Variants in HNRNPDL observed in about 807,000 individuals in gnomAD.
HNRNPDL encodes heterogeneous nuclear ribonucleoprotein D-like.
A neutral mutation model predicts 48.0 loss-of-function variants in HNRNPDL; 18 were observed. That is an observed-to-expected ratio of 0.38 (90% CI 0.26 to 0.56). The LOEUF is 0.56. HNRNPDL is among the 20% of genes least tolerant of loss of function. The pLI is 0.77. For synonymous variants in HNRNPDL, 306 were observed against 207.3 expected, an observed-to-expected ratio of 1.48 and a Z score of -4.09; for missense variants, 553 against 540.7, an observed-to-expected ratio of 1.02 and a Z score of -0.23.
chr4:82,429,110 C>T, intron 1 of HNRNPDL, 138 bp downstream of exon 1: 1 of 770,158 alleles, frequency 1.3e-6, no homozygotes, highest in South Asian at 1.6e-5. Context: ...TTTCCTCTTC[C>T]CTCCAATCTA....
In HNRNPDL at chr4:82,430,039, G is replaced by C. The variant is rs1386928530; in HGVS notation, c.-349C>G. The C allele has an allele frequency of 5.9e-6, 1 of 169,472 alleles. No homozygotes were observed. The highest frequency in any genetic ancestry group is 1.5e-4 in the East Asian group (1 of 6,606). 10.5% of individuals were successfully genotyped at this position (169,472 alleles called of 1,614,324 possible). ...ACTGAGGCGGCGAGCGCGCTCGCCC[G>C]CCGCGCGCACGCGTGTTTTGTCCTC... On this transcript the variant is annotated 5_prime_UTR_variant, in exon 1 of 8. Coordinates refer to ENST00000295470, the MANE Select transcript of HNRNPDL (RefSeq NM_031372.4).
At position 82,428,043 on chromosome 4, in the gene HNRNPDL, T is replaced by C; in HGVS notation, c.749A>G (p.Lys250Arg). The C allele has an allele frequency of 6.2e-7, 1 of 1,614,084 alleles. No individual in the cohort carries two copies. Among genetic ancestry groups the C allele is most frequent in the Non-Finnish European group, 8.5e-7 (1 of 1,179,990 alleles). ...CTCTCCAAAGGCTCCAAAATATTCT[T>C]TAATTTGTTCTTCAGAAGTATCCGG... is the stretch of plus-strand genomic sequence containing the variant. Reference protein sequence around the residue: ...LSPDTSEEQIKEYFGAFGEIE... With the variant: ...LSPDTSEEQIREYFGAFGEIE... Residue 250 changes from lysine (K) to arginine (R), a missense_variant, in exon 3 of 8, where the codon AAA (lysine) becomes AGA (arginine). This residue lies in a region of HNRNPDL where 174 missense variants were observed against 204.6 expected (regional missense o/e 0.85). Transcript: ENST00000295470.
chr4:82,427,667 T>C, intron 3 of HNRNPDL, 103 bp from the exon 4 acceptor site: 2 of 1,056,222 alleles, frequency 1.9e-6, no homozygotes, highest in Non-Finnish European at 2.9e-6. Flanking sequence ...ATGTTATTCT[T>C]ATCGGGTGAC....
chr4:82,429,594 G>A lies in HNRNPDL; in HGVS notation c.97C>T (p.Arg33Trp), dbSNP rs111993939. The A allele has an allele frequency of 1.4e-5, 19 of 1,376,748 alleles. No homozygotes were observed. The highest frequency in any genetic ancestry group is 6.8e-5 in the South Asian group (4 of 58,520). 85.3% of individuals were successfully genotyped at this position (1,376,748 alleles called of 1,614,324 possible). A position where few individuals can be genotyped will look rare whatever the true frequency, so the allele number is the denominator to read the frequency against. Residue 33 changes from arginine to tryptophan, a missense_variant, in exon 1 of 8, where the codon CGG becomes TGG. Arg to Trp is a moderately radical substitution (Grantham distance 101). Coordinates refer to ENST00000295470, the MANE Select transcript of HNRNPDL (RefSeq NM_031372.4). ...ASRSLSHWRP[R>W]PPRQLAPLLP... Reference sequence around the variant, plus strand: ...AGCGGGGCTAGCTGCCGCGGCGGCCGCGGCCGCCAATGGGAGAGGCTGCGG... The same window carrying A: ...AGCGGGGCTAGCTGCCGCGGCGGCCACGGCCGCCAATGGGAGAGGCTGCGG...
chr4:82,425,183 C>T (rs1721367866), intron 7 of HNRNPDL: 1 of 152,182 alleles, frequency 6.6e-6, no homozygotes, highest in South Asian at 2.1e-4. Flanking sequence ...AAGTAAAATG[C>T]TATCACAAAC....
intron 1 of HNRNPDL, 29 bp from the exon 2 acceptor site, chr4:82,428,475 T>C: frequency 6.6e-7 from 1 of 1,522,330 alleles, no homozygotes. Flanking sequence ...TTAAAAAAAA[T>C]TAACAATAAC....
At position 82,429,406 on chromosome 4, in the gene HNRNPDL, T is replaced by C. The variant is rs763589139; in HGVS notation, c.285A>G (p.Ile95Met). 7.4e-6 allele frequency: 12 copies of C among 1,613,098 alleles called. No homozygotes were observed. Among genetic ancestry groups the C allele is most frequent in the Non-Finnish European group, 8.5e-6 (10 of 1,179,708 alleles). Residue 95 changes from isoleucine (I) to methionine (M), a missense_variant, in exon 1 of 8, where the codon ATA becomes ATG. Physicochemically the swap from Ile to Met is conservative, Grantham distance 10. Around this residue, in one of 4 missense-constraint regions of HNRNPDL, gnomAD observed 327 missense variants for 203.2 expected, o/e 1.61. Transcript: ENST00000295470. ...CGGCAGCAGCGGCGGCGGAGCGTTG[T>C]ATGGAGCTGGATTTAAAATGGCGGC... ...LFRRHFKSSSIQRSAAAAAAT... is the reference protein window; with the variant it reads ...LFRRHFKSSSMQRSAAAAAAT...
At chr4:82,426,178 T>A in intron 6 of HNRNPDL, 49 bp from the exon 7 acceptor site, 2 of 1,469,024 alleles carry the variant, frequency 1.4e-6, no homozygotes, top group Non-Finnish European at 1.9e-6. Context: ...CTACAAAACT[T>A]TCTTTACAAA....
chr4:82,427,085 G>A (rs1721442896), intron 5 of HNRNPDL, 105 bp downstream of exon 5: 1 of 821,618 alleles, frequency 1.2e-6, no homozygotes, highest in African/African-American at 1.7e-5. Context: ...CCCTCCGCTG[G>A]AATGGTTTTA....
Position 82,429,411 on chromosome 4 carries a change from A to C in HNRNPDL, c.280T>G (p.Ser94Ala), listed in dbSNP as rs762023929. The C allele has an allele frequency of 5.6e-6, 9 of 1,612,602 alleles. No homozygotes were observed. Among genetic ancestry groups the C allele is most frequent in the Admixed American group, 5.0e-5 (3 of 59,952 alleles). ...DLFRRHFKSS[S>A]IQRSAAAAAA... ...GCAGCGGCGGCGGAGCGTTGTATGG[A>C]GCTGGATTTAAAATGGCGGCGGAAG... Residue 94 changes from serine to alanine, a missense_variant, in exon 1 of 8, where the codon TCC becomes GCC. Coordinates refer to ENST00000295470, the MANE Select transcript of HNRNPDL (RefSeq NM_031372.4).
Position 82,429,708 on chromosome 4 carries a change from G to C in HNRNPDL, c.-18C>G. 2.2e-6 allele frequency: 3 copies of C among 1,347,986 alleles called. No homozygotes were observed. The highest frequency in any genetic ancestry group is 2.8e-6 in the Non-Finnish European group (3 of 1,053,398). The allele number at this position is 1,347,986 out of a possible 1,614,324, so 83.5% of individuals were successfully genotyped here. The stretch of plus-strand genomic sequence containing the variant: ...ACCTCCATCGCGGCCCTCCCGGCAA[G>C]GAGAGAGGCCACGCGTGAGGGGACG... On this transcript the variant is annotated 5_prime_UTR_variant, in exon 1 of 8. Transcript: ENST00000295470.
intron 4 of HNRNPDL, 22 bp from the exon 5 acceptor site, chr4:82,427,326 G>C (rs765640758): frequency 1.3e-6 from 2 of 1,546,670 alleles, no homozygotes; most frequent in Non-Finnish European, 8.7e-7. Flanking sequence ...AAACATGAAA[G>C]TATAATTTTT....
chr4:82,427,652 T>TAA (rs1324523675), intron 3 of HNRNPDL, 88 bp from the exon 4 acceptor site: 1 of 1,207,442 alleles, frequency 8.3e-7, no homozygotes, highest in East Asian at 2.3e-5. Flanking sequence ...GGCTTCAACT[T>TAA]AAACATGTTA....
chr4:82,430,265 GA>G lies in HNRNPDL; in HGVS notation c.-576del, dbSNP rs1721676716. On this transcript the variant is annotated 5_prime_UTR_variant, in exon 1 of 8. Transcript: ENST00000295470. ...CGGGAGGAGGGGCGGGGGCTGGCCA[GA>G]TGACTGTATCTATGCAAAGGCGGAG... 1 of 152,500 alleles carries G rather than the reference GA, an allele frequency of 6.6e-6. No individual in the cohort carries two copies. Among genetic ancestry groups the G allele is most frequent in the African/African-American group, 2.4e-5 (1 of 41,420 alleles). 9.4% of individuals were successfully genotyped at this position (152,500 alleles called of 1,614,324 possible).
chr4:82,427,438 C>A lies in HNRNPDL; in HGVS notation c.901G>T (p.Gly301Trp), dbSNP rs1160135378. ...LESRYHQIGSGKCEIKVAQPK... is the reference protein window; with the variant it reads ...LESRYHQIGSWKCEIKVAQPK... ...AAGTGCTTAAATGGCTTTACCTTCCCAGAACCAATTTGATGGTATCTGCTT... is the reference window on the plus strand; with the variant it reads ...AAGTGCTTAAATGGCTTTACCTTCCAAGAACCAATTTGATGGTATCTGCTT... Residue 301 changes from glycine (G) to tryptophan (W), a missense_variant, in exon 4 of 8, where the codon GGG (glycine) becomes TGG (tryptophan). This residue lies in a region of HNRNPDL where 174 missense variants were observed against 204.6 expected (regional missense o/e 0.85). Transcript: ENST00000295470. 1 of 1,600,820 alleles carries A rather than the reference C, an allele frequency of 6.2e-7. No individual in the cohort carries two copies. The highest frequency in any genetic ancestry group is 8.5e-7 in the Non-Finnish European group (1 of 1,176,366).
rs757576538 is a variant in HNRNPDL at position 82,427,242 on chromosome 4, A to C, written c.969T>G (p.Gly323=). The C allele has an allele frequency of 3.7e-5, 59 of 1,613,564 alleles. No individual in the cohort carries two copies. The Admixed American group carries it at 4.3e-4, about 12-fold the overall frequency. ...GTCCACCAGCTGCAGCACCTCTTCCACCTTTTTGTTGTTGCTGTTGCTGCC... is the reference window on the plus strand; with the variant it reads ...GTCCACCAGCTGCAGCACCTCTTCCCCCTTTTTGTTGTTGCTGTTGCTGCC... The part of the protein sequence containing the change: ...VYRQQQQQQK[G]GRGAAAGGRG... Residue 323 remains glycine, a synonymous_variant, in exon 5 of 8, where the codon GGT becomes GGG. Coordinates refer to ENST00000295470, the MANE Select transcript of HNRNPDL (RefSeq NM_031372.4).
In HNRNPDL at chr4:82,429,914, C is replaced by G. The variant is rs1413790887; in HGVS notation, c.-224G>C. On this transcript the variant is annotated 5_prime_UTR_variant, in exon 1 of 8. Coordinates refer to ENST00000295470, the MANE Select transcript of HNRNPDL (RefSeq NM_031372.4). ...GCCGTCAACCCCGCCTTTTTCTGCC[C>G]TCGGTTCGCCAGTGCGGAGCCGCTG... 1 of 375,168 alleles carries G rather than the reference C, an allele frequency of 2.7e-6. No individual in the cohort carries two copies. Among genetic ancestry groups the G allele is most frequent in the Non-Finnish European group, 4.7e-6 (1 of 211,674 alleles). 23.2% of individuals were successfully genotyped at this position (375,168 alleles called of 1,614,324 possible).
rs1721410472 is a variant in HNRNPDL, at chr4:82,426,407, T to C, written c.1192+56A>G. The stretch of plus-strand genomic sequence containing the variant: ...CACACAATTTCAGAACAGGATTGTA[T>C]GTTAACAATGAATTTTAATACCACT... On this transcript the variant is annotated intron_variant, in intron 6 of 7. Transcript: ENST00000295470. The C allele has an allele frequency of 4.8e-6, 7 of 1,465,258 alleles. No individual in the cohort carries two copies. In the East Asian group the frequency reaches 1.6e-4, roughly 33 times the overall value. The allele number at this position is 1,465,258 out of a possible 1,614,324, so 90.8% of individuals were successfully genotyped here.
At position 82,424,083 on chromosome 4, in the gene HNRNPDL, C is replaced by T. The variant is rs1272403465; in HGVS notation, c.*823G>A. On this transcript the variant is annotated 3_prime_UTR_variant, in exon 8 of 8. Coordinates refer to ENST00000295470, the MANE Select transcript of HNRNPDL (RefSeq NM_031372.4). ...AAACTCATACCTTTCTACCAAAATC[C>T]TTGAGTTGTAACTACTTCCAATGCT... 6.6e-6 allele frequency: 1 copy of T among 152,160 alleles called. No homozygotes were observed. The highest frequency in any genetic ancestry group is 1.9e-4 in the East Asian group (1 of 5,202). The allele number at this position is 152,160 out of a possible 1,614,324, so 9.4% of individuals were successfully genotyped here. A position where few individuals can be genotyped will look rare whatever the true frequency, so the allele number is the denominator to read the frequency against.
Sources: gnomAD v4.1 joint callset for allele counts on GRCh38, gnomAD v4.1.1 for gene constraint, gnomAD v4.1.1 regional missense constraint, MANE v1.5 for transcripts, NCBI Gene and HGNC (gene_info 2026-07-23, HGNC 2026-07-21) for gene names.